GATAD2A: variants seen among roughly 807,000 people sequenced by gnomAD.
The protein encoded by GATAD2A is transcriptional repressor p66-alpha.
GATAD2A carries 12 observed loss-of-function variants against 68.5 expected under a neutral mutation model. That is an observed-to-expected ratio of 0.18 (90% CI 0.11 to 0.28). The LOEUF is 0.28. GATAD2A is among the 10% of genes least tolerant of loss of function. The probability of loss-of-function intolerance (pLI) is 1.00; values close to 1 mark genes in which losing one functional copy is unlikely to be tolerated. For missense variants in GATAD2A, 755 were observed against 868.5 expected, an observed-to-expected ratio of 0.87 and a Z score of 1.64; for synonymous variants, 410 against 375.3, an observed-to-expected ratio of 1.09 and a Z score of -1.07.
At chr19:19,467,134 A>AG (rs1555711445) in intron 2 of GATAD2A, among the ~76,000 whole-genome samples, 3 of 152,124 alleles carry the variant, frequency 2.0e-5, no homozygotes, top group Non-Finnish European at 4.4e-5. Flanking sequence ...CCAGCACTTT[A>AG]GGGGGCCGAG....
chr19:19,437,001 C>G (rs145865457), intron 1 of GATAD2A, among the ~76,000 whole-genome samples: 2 of 152,240 alleles, frequency 1.3e-5, no homozygotes, highest in South Asian at 2.1e-4. Flanking sequence ...ACAAGTGTTG[C>G]GGTCAGTTTT....
At chr19:19,424,577 T>A (rs2052836480) in intron 1 of GATAD2A, among the ~76,000 whole-genome samples, 1 of 151,784 alleles carries the variant, frequency 6.6e-6, no homozygotes, top group South Asian at 2.1e-4. Context: ...CTCTCTCTGT[T>A]GCTCAGGCTG....
At chr19:19,437,428 T>A (rs1160468972) in intron 1 of GATAD2A, among the ~76,000 whole-genome samples, 1 of 152,202 alleles carries the variant, frequency 6.6e-6, no homozygotes, top group African/African-American at 2.4e-5. Flanking sequence ...CTCAAAAAAA[T>A]TTTTTGAGAT....
intron 1 of GATAD2A, among the ~76,000 whole-genome samples, chr19:19,422,593 C>G (rs993622424): frequency 2.6e-5 from 4 of 152,208 alleles, no homozygotes; most frequent in African/African-American, 7.2e-5. Flanking sequence ...GTGAAACACT[C>G]TGAGGAGCCC....
At chr19:19,439,843 A>G (rs569252760) in intron 1 of GATAD2A, among the ~76,000 whole-genome samples, 1 of 152,284 alleles carries the variant, frequency 6.6e-6, no homozygotes, top group Non-Finnish European at 1.5e-5. Context: ...GTGAGACCGT[A>G]TCTCAAAAAA....
intron 1 of GATAD2A, among the ~76,000 whole-genome samples, chr19:19,448,380 C>T (rs2055985503): frequency 6.6e-6 from 1 of 152,264 alleles, no homozygotes; most frequent in Non-Finnish European, 1.5e-5. Flanking sequence ...ACTTCAAGCA[C>T]GGCCTCAAAT....
Position 19,506,483 on chromosome 19 carries a change from G to A in GATAD2A, c.*1009G>A, listed in dbSNP as rs939775826. 6 of 208,376 alleles carry A rather than the reference G, an allele frequency of 2.9e-5. No individual in the cohort carries two copies. Among genetic ancestry groups the A allele is most frequent in the African/African-American group, 1.4e-4 (6 of 43,772 alleles). The allele number at this position is 208,376 out of a possible 1,614,324, so 12.9% of individuals were successfully genotyped here. A position where few individuals can be genotyped will look rare whatever the true frequency, so the allele number is the denominator to read the frequency against. ...GCTCCTGGGAGGTGAGCGTGCACAGGTGTGTGCAGGTCAGGAGGTGCCGTC... is the reference window on the plus strand; with the variant it reads ...GCTCCTGGGAGGTGAGCGTGCACAGATGTGTGCAGGTCAGGAGGTGCCGTC... On this transcript the variant is annotated 3_prime_UTR_variant, in exon 12 of 12. Transcript: ENST00000683918.
rs117737752 is a variant in GATAD2A, at chr19:19,451,415, C to T, written c.-6-13925C>T. Reference sequence around the variant, plus strand: ...TGTCCCAGGCACTGATCAGGCTCCTCGTGCTGCAGAAGTTTCCTTCTGAGT... The same window carrying T: ...TGTCCCAGGCACTGATCAGGCTCCTTGTGCTGCAGAAGTTTCCTTCTGAGT... On this transcript the variant is annotated intron_variant, in intron 1 of 11. Coordinates refer to ENST00000683918, the MANE Select transcript of GATAD2A (RefSeq NM_001384528.1). Among the ~76,000 whole-genome samples the T allele has an allele frequency of 5.3e-3, 803 of 152,248 alleles. 6 individuals are homozygous for T. The highest frequency in any genetic ancestry group is 0.041 in the South Asian group (196 of 4,816).
At chr19:19,428,250 GTTTC>G (rs1302282961) in intron 1 of GATAD2A, among the ~76,000 whole-genome samples, 1 of 152,164 alleles carries the variant, frequency 6.6e-6, no homozygotes, top group Non-Finnish European at 1.5e-5. Context: ...TAGACATTTG[GTTTC>G]TGGGCACTTA....
chr19:19,433,900 C>G (rs1285391410), intron 1 of GATAD2A, among the ~76,000 whole-genome samples: 3 of 152,176 alleles, frequency 2.0e-5, no homozygotes, highest in African/African-American at 7.2e-5. Flanking sequence ...TGAGAAGTAG[C>G]TGGGACCTCA....
rs138925423 is a variant in GATAD2A at position 19,410,737 on chromosome 19, G to A, written c.-7+4718G>A. Among the ~76,000 whole-genome samples, 335 of 152,310 alleles carry A rather than the reference G, an allele frequency of 2.2e-3. 2 individuals carry two copies. The highest frequency in any genetic ancestry group is 0.016 in the South Asian group (78 of 4,824). On this transcript the variant is annotated intron_variant, in intron 1 of 11. Transcript: ENST00000683918. ...GTGGCCGTGTGCCTATTGCTGAGCA[G>A]CCTGTCTCTAGTGGCATCCAGGACA...
chr19:19,389,025 C>A (rs1385230693), intron 1 of GATAD2A, among the ~76,000 whole-genome samples: 5 of 152,032 alleles, frequency 3.3e-5, no homozygotes, highest in Admixed American at 6.6e-5. Context: ...TGACTTTGGC[C>A]TGGCCCAAAA....
At chr19:19,488,474 A>T (rs1470426004) in intron 2 of GATAD2A, among the ~76,000 whole-genome samples, 1 of 152,270 alleles carries the variant, frequency 6.6e-6, no homozygotes, top group East Asian at 1.9e-4. Flanking sequence ...CTCCAAGGAC[A>T]GCTCCTTCCC....
intron 1 of GATAD2A, among the ~76,000 whole-genome samples, chr19:19,422,503 G>A (rs1455732629): frequency 2.0e-5 from 3 of 152,302 alleles, no homozygotes; most frequent in East Asian, 3.9e-4. Context: ...TAAGACTTCA[G>A]GGAGGCATTG....
At chr19:19,439,335 T>A (rs2054722054) in intron 1 of GATAD2A, among the ~76,000 whole-genome samples, 1 of 152,170 alleles carries the variant, frequency 6.6e-6, no homozygotes, top group Non-Finnish European at 1.5e-5. Context: ...AAAAACAGAT[T>A]GCATCACAGG....
chr19:19,450,743 TAA>T (rs3031870), intron 1 of GATAD2A, among the ~76,000 whole-genome samples: 21,819 of 125,008 alleles, frequency 0.17, 1,875 homozygotes, highest in Middle Eastern at 0.3. Context: ...CTCATTACAT[TAA>T]AAAAAAAAAA....
upstream of GATAD2A, among the ~76,000 whole-genome samples, chr19:19,401,784 T>C (rs928027459): frequency 1.3e-5 from 2 of 152,108 alleles, no homozygotes; most frequent in Non-Finnish European, 2.9e-5. Flanking sequence ...ATTCAGTAGG[T>C]GATGCTACTC....
At chr19:19,409,965 C>T (rs2050728033) in intron 1 of GATAD2A, among the ~76,000 whole-genome samples, 1 of 152,088 alleles carries the variant, frequency 6.6e-6, no homozygotes, top group Non-Finnish European at 1.5e-5. Flanking sequence ...AATAGAATAC[C>T]TTTAGGTAGC....
At chr19:19,468,938 T>C (rs1209719267) in intron 2 of GATAD2A, among the ~76,000 whole-genome samples, 4 of 152,204 alleles carry the variant, frequency 2.6e-5, no homozygotes, top group Non-Finnish European at 4.4e-5. Flanking sequence ...TTGAATGATT[T>C]GTTGGGTTTA....
Sources: gnomAD v4.1 joint callset for allele counts (sites outside exome capture counted in the v4.1 genomes callset) on GRCh38, gnomAD v4.1.1 for gene constraint, MANE v1.5 for transcripts, NCBI Gene and HGNC (gene_info 2026-07-23, HGNC 2026-07-21) for gene names.